The following CDH26 variants were observed in gnomAD, a reference collection of about 807,000 sequenced individuals.
CDH26 encodes the protein cadherin-like protein 26.
In CDH26, 83 loss-of-function variants were observed where a neutral mutation model predicts 90.3. The ratio of observed to expected loss-of-function variants is 0.92; its 90% confidence interval spans 0.77 to 1.10. The LOEUF (loss-of-function observed/expected upper bound fraction) is 1.10, where lower values mean the gene tolerates loss of function less well. CDH26 is among the 50% of genes least tolerant of loss of function. The pLI is 0.00. For missense variants in CDH26, 1,013 were observed against 1,037.6 expected (o/e 0.98, Z 0.33); for synonymous variants, 397 against 396.3 (o/e 1.00, Z -0.02).
Position 59,972,023 on chromosome 20 carries a change from A to G in CDH26, c.293A>G (p.Asp98Gly), listed in dbSNP as rs2061268210. ...LMYLISGPGV[D>G]EYPEIGLFSL... The stretch of plus-strand genomic sequence containing the variant: ...TATCTAATCAGTGGACCTGGTGTGG[A>G]TGAATATCCAGAGATTGGTTTGTTT... The change falls in exon 4 of 18, where the codon GAT becomes GGT. Residue 98 changes from aspartate to glycine, a missense_variant. By Grantham distance (94) the Asp-to-Gly change is moderately conservative. Coordinates refer to ENST00000348616, the MANE Select transcript of CDH26 (RefSeq NM_177980.4). The G allele has an allele frequency of 6.2e-7, 1 of 1,613,938 alleles. No homozygotes were observed. Among genetic ancestry groups the G allele is most frequent in the Non-Finnish European group, 8.5e-7 (1 of 1,179,840 alleles).
intron 14 of CDH26, among the ~76,000 whole-genome samples, chr20:60,000,272 A>G: frequency 6.6e-6 from 1 of 152,228 alleles, no homozygotes; most frequent in African/African-American, 2.4e-5. Flanking sequence ...TAATTTTCTC[A>G]CCGTGCAAAT....
chr20:59,969,757 C>T (rs1470021534), intron 2 of CDH26, among the ~76,000 whole-genome samples: 10 of 152,168 alleles, frequency 6.6e-5, no homozygotes. Flanking sequence ...AAAACTTTCT[C>T]AACAACCGTT....
intron 4 of CDH26, among the ~76,000 whole-genome samples, chr20:59,973,013 T>A (rs2061282885): frequency 6.6e-6 from 1 of 152,224 alleles, no homozygotes; most frequent in East Asian, 1.9e-4. Context: ...CTTATCTGTA[T>A]GAATGCATGC....
At chr20:59,988,590 A>AT (rs1259567716) in intron 8 of CDH26, among the ~76,000 whole-genome samples, 1 of 151,868 alleles carries the variant, frequency 6.6e-6, no homozygotes, top group African/African-American at 2.4e-5. Context: ...AGTTCCCCTG[A>AT]TTTTTTTGCT....
At chr20:60,034,620 A>G (rs560006925), downstream of CDH26, among the ~76,000 whole-genome samples, 9 of 152,320 alleles carry the variant, frequency 5.9e-5, no homozygotes, top group South Asian at 1.7e-3. Context: ...CAGGGCCCCC[A>G]CCAGCTACAA....
chr20:59,963,150 G>A (rs565605504), intron 1 of CDH26, among the ~76,000 whole-genome samples: 21 of 152,152 alleles, frequency 1.4e-4, no homozygotes, highest in African/African-American at 9.6e-5. Context: ...ATACATGTAC[G>A]TATGTGGGGG....
At chr20:60,001,900 G>A (rs2061681375) in intron 15 of CDH26, among the ~76,000 whole-genome samples, 1 of 152,150 alleles carries the variant, frequency 6.6e-6, no homozygotes, top group East Asian at 1.9e-4. Context: ...CTAAATAGAA[G>A]TTGCAAAAAT....
intron 14 of CDH26, among the ~76,000 whole-genome samples, chr20:60,000,262 TAATTTTCTCACCGTGCA>T (rs2061659150): frequency 1.3e-5 from 2 of 152,200 alleles, no homozygotes; most frequent in Admixed American, 1.3e-4. Context: ...AGAAAGGGAA[TAATTTTCTCACCGTGCA>T]AATCAGTGTT....
chr20:60,015,778 T>A (rs1453516978), downstream of CDH26, among the ~76,000 whole-genome samples: 1 of 152,210 alleles, frequency 6.6e-6, no homozygotes, highest in Non-Finnish European at 1.5e-5. Context: ...AGGTCTTTGA[T>A]CCACTTTGAG....
intron 1 of CDH26, among the ~76,000 whole-genome samples, chr20:59,962,913 G>T (rs1276316315): frequency 1.3e-5 from 2 of 152,172 alleles, no homozygotes; most frequent in East Asian, 3.9e-4. Context: ...GGGCAGGATT[G>T]TGAGAATACA....
chr20:59,986,250 A>T (rs1386035038), intron 7 of CDH26: 1 of 152,212 alleles, frequency 6.6e-6, no homozygotes, highest in Non-Finnish European at 1.5e-5. Context: ...GTGATCATTT[A>T]AAAACATTGT....
rs373355646 is a variant in CDH26 at position 59,972,152 on chromosome 20, C to T, written c.393+29C>T. On this transcript the variant is annotated intron_variant, in intron 4 of 17. Transcript: ENST00000348616. ...TCTAAAACTTGATATATTCTAAGCT[C>T]GGATTTAAAAGCTCTTGCAAGACTG... The T allele has an allele frequency of 1.2e-3, 1,962 of 1,600,798 alleles. 21 individuals carry two copies. The South Asian group carries it at 0.017, about 14-fold the overall frequency.
chr20:59,962,626 G>C (rs1344246457), intron 1 of CDH26, among the ~76,000 whole-genome samples: 1 of 152,098 alleles, frequency 6.6e-6, no homozygotes, highest in Non-Finnish European at 1.5e-5. Context: ...TCCAAATAAG[G>C]TCCCGTTCAC....
In CDH26 at chr20:59,971,969, A is replaced by G; in HGVS notation, c.239A>G (p.Asn80Ser). 1 of 1,612,570 alleles carries G rather than the reference A, an allele frequency of 6.2e-7. No homozygotes were observed. The highest frequency in any genetic ancestry group is 1.1e-5 in the South Asian group (1 of 90,960). The change falls in exon 4 of 18, where the codon AAT becomes AGT. Residue 80 changes from asparagine to serine, a missense_variant. Transcript: ENST00000348616. ...PFPKLIGELF[N>S]NMSYNMSLMY... ...CATTTTTCCTCCTTCCAGCTGTTCA[A>G]TAATATGTCTTATAACATGTCACTA... is the stretch of plus-strand genomic sequence containing the variant.
chr20:60,025,663 G>C (rs1439189182), intron 7 of CDH26, among the ~76,000 whole-genome samples: 5 of 152,192 alleles, frequency 3.3e-5, no homozygotes, highest in Admixed American at 6.5e-5. Context: ...GGCCTGTAGA[G>C]GGTTTGAGCC....
At chr20:60,018,409 T>C (rs1021520248), downstream of CDH26, among the ~76,000 whole-genome samples, 8 of 152,074 alleles carry the variant, frequency 5.3e-5, no homozygotes, top group Admixed American at 1.3e-4. Context: ...TTGTCTGATA[T>C]AAGTATAGCT....
chr20:60,011,707 C>A (rs552801070), intron 17 of CDH26, among the ~76,000 whole-genome samples: 1 of 152,280 alleles, frequency 6.6e-6, no homozygotes, highest in Non-Finnish European at 1.5e-5. Context: ...GGCTTGTAGC[C>A]GGCTAGCCCC....
downstream of CDH26, among the ~76,000 whole-genome samples, chr20:60,015,486 G>A (rs2061897259): frequency 6.6e-6 from 1 of 152,012 alleles, no homozygotes; most frequent in South Asian, 2.1e-4. Flanking sequence ...TTTTTATTTT[G>A]CTGTTGAGAT....
chr20:60,009,377 G>A (rs548716055), intron 17 of CDH26, among the ~76,000 whole-genome samples: 182 of 152,306 alleles, frequency 1.2e-3, no homozygotes, highest in African/African-American at 4.1e-3. Context: ...TACAGAAAAC[G>A]TAGCATGTGG....
Sources: gnomAD v4.1 joint callset for allele counts (sites outside exome capture counted in the v4.1 genomes callset) on GRCh38, gnomAD v4.1.1 for gene constraint, MANE v1.5 for transcripts, NCBI Gene and HGNC (gene_info 2026-07-23, HGNC 2026-07-21) for gene names.